MBNL1: variants seen among roughly 807,000 people sequenced by gnomAD.
MBNL1 encodes the protein muscleblind-like protein 1.
In MBNL1, 8 loss-of-function variants were observed where a neutral mutation model predicts 42.2. That is an observed-to-expected ratio of 0.19 (90% confidence interval 0.11 to 0.34). The LOEUF (loss-of-function observed/expected upper bound fraction) is 0.34. Ranked by LOEUF, MBNL1 falls within the 10% of genes least tolerant of loss-of-function variation. MBNL1 has a pLI of 1.00. For missense variants in MBNL1, 309 were observed against 495.3 expected (o/e 0.62, Z 3.57); for synonymous variants, 169 against 173.9 (o/e 0.97, Z 0.22).
At chr3:152,286,201 G>T (rs1178837462) in intron 1 of MBNL1, among the ~76,000 whole-genome samples, 3 of 149,978 alleles carry the variant, frequency 2.0e-5, no homozygotes, top group Non-Finnish European at 4.4e-5. Context: ...AAAACGATTT[G>T]ACTAAATCCA....
chr3:152,412,899 C>T (rs1394208582), intron 2 of MBNL1, among the ~76,000 whole-genome samples: 1 of 152,126 alleles, frequency 6.6e-6, no homozygotes, highest in Non-Finnish European at 1.5e-5. Context: ...ACCCCTCTCA[C>T]CTGCATTTAA....
At chr3:152,254,252 C>T (rs2035116942) in intron 2 of MBNL1, among the ~76,000 whole-genome samples, 1 of 152,098 alleles carries the variant, frequency 6.6e-6, no homozygotes, top group Admixed American at 6.6e-5. Flanking sequence ...AACAAATAGA[C>T]AGAGAAGTTC....
At chr3:152,388,718 G>A (rs1393985212) in intron 2 of MBNL1, among the ~76,000 whole-genome samples, 1 of 152,342 alleles carries the variant, frequency 6.6e-6, no homozygotes, top group South Asian at 2.1e-4. Flanking sequence ...AGGCCTAGCA[G>A]TTGAAAGCTA....
upstream of MBNL1, chr3:152,265,978 G>C (rs547154553): frequency 6.6e-6 from 1 of 152,260 alleles, no homozygotes; most frequent in East Asian, 1.9e-4. Flanking sequence ...TTGAAATGTG[G>C]TTAGGATGCT....
intron 1 of MBNL1, among the ~76,000 whole-genome samples, chr3:152,280,787 A>C (rs922945571): frequency 6.6e-6 from 1 of 152,166 alleles, no homozygotes; most frequent in Non-Finnish European, 1.5e-5. Context: ...ATATTCTTCT[A>C]TAAGACCCCA....
chr3:152,320,686 T>C (rs559304205), intron 2 of MBNL1, among the ~76,000 whole-genome samples: 24 of 151,032 alleles, frequency 1.6e-4, no homozygotes, highest in African/African-American at 2.7e-4. Context: ...TTTCTTTCTT[T>C]TTTTTTTTTT....
chr3:152,343,961 T>C (rs2093786566), intron 2 of MBNL1, among the ~76,000 whole-genome samples: 2 of 152,206 alleles, frequency 1.3e-5, no homozygotes, highest in South Asian at 4.1e-4. Flanking sequence ...TTAAATAGGG[T>C]TTTATGTTTA....
chr3:152,330,544 T>G (rs1257205943), intron 2 of MBNL1, among the ~76,000 whole-genome samples: 1 of 152,208 alleles, frequency 6.6e-6, no homozygotes, highest in African/African-American at 2.4e-5. Flanking sequence ...CACCTAAGAT[T>G]ATTATTTGCT....
At chr3:152,303,644 A>G (rs915102366) in intron 2 of MBNL1, among the ~76,000 whole-genome samples, 10 of 152,286 alleles carry the variant, frequency 6.6e-5, no homozygotes, top group African/African-American at 1.9e-4. Context: ...CTATTCAGTC[A>G]TGAGCTCTCA....
At chr3:152,406,479 C>T (rs1032063331) in intron 2 of MBNL1, among the ~76,000 whole-genome samples, 2 of 152,122 alleles carry the variant, frequency 1.3e-5, no homozygotes, top group Non-Finnish European at 2.9e-5. Flanking sequence ...TTTTTTGTCA[C>T]AAGAATGTGT....
chr3:152,450,148 T>TACAC (rs952571686), intron 6 of MBNL1, among the ~76,000 whole-genome samples: 3 of 146,462 alleles, frequency 2.0e-5, no homozygotes, highest in East Asian at 2.0e-4. Flanking sequence ...CAAATATATA[T>TACAC]ACACACACAC....
intron 2 of MBNL1, among the ~76,000 whole-genome samples, chr3:152,374,387 G>A (rs1232972686): frequency 6.6e-6 from 1 of 152,196 alleles, no homozygotes; most frequent in Non-Finnish European, 1.5e-5. Context: ...CAGCTGGAAA[G>A]TATGTATTAC....
chr3:152,378,423 C>T (rs1360525545), intron 2 of MBNL1, among the ~76,000 whole-genome samples: 1 of 151,992 alleles, frequency 6.6e-6, no homozygotes, highest in Non-Finnish European at 1.5e-5. Flanking sequence ...TGCATGATAG[C>T]TCCTACCAAG....
intron 2 of MBNL1, among the ~76,000 whole-genome samples, chr3:152,309,754 T>A (rs1421050369): frequency 2.0e-5 from 3 of 152,196 alleles, no homozygotes; most frequent in Non-Finnish European, 4.4e-5. Flanking sequence ...AGACGATAAT[T>A]TGCTTTCAGA....
upstream of MBNL1, chr3:152,268,188 A>G (rs1363435767): frequency 6.6e-6 from 1 of 152,490 alleles, no homozygotes. Context: ...TCTAAATCAC[A>G]TGGTGCAAAG....
intron 2 of MBNL1, among the ~76,000 whole-genome samples, chr3:152,249,601 G>A (rs1189760522): frequency 1.3e-5 from 2 of 149,240 alleles, no homozygotes; most frequent in African/African-American, 2.5e-5. Context: ...TTCTTTTGCT[G>A]TGCAGAAGCT....
At chr3:152,308,940 T>C (rs535419640) in intron 2 of MBNL1, among the ~76,000 whole-genome samples, 3 of 152,250 alleles carry the variant, frequency 2.0e-5, no homozygotes, top group Admixed American at 6.5e-5. Context: ...ATATAACTTA[T>C]GTACTTCCTA....
At chr3:152,445,654 T>C (rs751446621) in intron 5 of MBNL1, 115 bp downstream of exon 5, 10 of 1,149,990 alleles carry the variant, frequency 8.7e-6, no homozygotes, top group South Asian at 1.5e-5. Context: ...GCTGAAGATA[T>C]GTTTGTTCAG....
At chr3:152,294,838 G>A (rs2057860491) in intron 1 of MBNL1, among the ~76,000 whole-genome samples, 1 of 152,064 alleles carries the variant, frequency 6.6e-6, no homozygotes, top group Non-Finnish European at 1.5e-5. Context: ...AATGTTTTGT[G>A]AATTCAGTAT....
Sources: gnomAD v4.1 joint callset for allele counts (sites outside exome capture counted in the v4.1 genomes callset) on GRCh38, gnomAD v4.1.1 for gene constraint, MANE v1.5 for transcripts, NCBI Gene and HGNC (gene_info 2026-07-23, HGNC 2026-07-21) for gene names.